The following RTN1 variants were observed in gnomAD, a reference collection of about 807,000 sequenced individuals.
RTN1 encodes reticulon-1.
In RTN1, 25 loss-of-function variants were observed where a neutral mutation model predicts 65.5. That is an observed-to-expected ratio of 0.38 (90% CI 0.28 to 0.53). The LOEUF (loss-of-function observed/expected upper bound fraction) is 0.53, where lower values mean the gene tolerates loss of function less well. Among genes scored for constraint, RTN1 ranks in the 20% least tolerant of loss-of-function variants. The pLI is 0.79. For missense variants in RTN1, 983 were observed against 1,025.4 expected, an observed-to-expected ratio of 0.96 and a Z score of 0.57; for synonymous variants, 471 against 447.6, an observed-to-expected ratio of 1.05 and a Z score of -0.66.
intron 1 of RTN1, among the ~76,000 whole-genome samples, chr14:59,810,925 G>A (rs1247434159): frequency 6.6e-6 from 1 of 152,150 alleles, no homozygotes; most frequent in Non-Finnish European, 1.5e-5. Flanking sequence ...TTTATTACAG[G>A]ACCCTGGATT....
chr14:59,827,360 G>A (rs1294759510), intron 1 of RTN1, among the ~76,000 whole-genome samples: 1 of 152,160 alleles, frequency 6.6e-6, no homozygotes, highest in Non-Finnish European at 1.5e-5. Flanking sequence ...TTACAGGAGT[G>A]AGCCACCGCG....
intron 3 of RTN1, among the ~76,000 whole-genome samples, chr14:59,689,032 A>G (rs1382759735): frequency 6.6e-6 from 1 of 152,176 alleles, no homozygotes; most frequent in African/African-American, 2.4e-5. Flanking sequence ...GAAGCTCAAC[A>G]AGATCCACGA....
intron 1 of RTN1, among the ~76,000 whole-genome samples, chr14:59,827,901 C>A (rs1437669474): frequency 6.6e-6 from 1 of 152,196 alleles, no homozygotes; most frequent in Non-Finnish European, 1.5e-5. Flanking sequence ...GAAGCTGCAG[C>A]CTATGTACAG....
chr14:59,733,915 C>T (rs1356850224), intron 2 of RTN1, among the ~76,000 whole-genome samples: 1 of 152,236 alleles, frequency 6.6e-6, no homozygotes, highest in African/African-American at 2.4e-5. Flanking sequence ...TGTCCTTGAT[C>T]CCCTTCCTCC....
chr14:59,717,679 C>T (rs903265293), intron 3 of RTN1, among the ~76,000 whole-genome samples: 2 of 152,188 alleles, frequency 1.3e-5, no homozygotes, highest in Admixed American at 6.5e-5. Flanking sequence ...TACATGATCT[C>T]CCCTTCACTC....
At chr14:59,834,003 GT>G (rs972633618) in intron 1 of RTN1, among the ~76,000 whole-genome samples, 2 of 152,144 alleles carry the variant, frequency 1.3e-5, no homozygotes, top group Admixed American at 6.5e-5. Flanking sequence ...AGCATATGGT[GT>G]TTGCCTAAAG....
intron 1 of RTN1, among the ~76,000 whole-genome samples, chr14:59,851,726 A>C (rs908246266): frequency 6.6e-6 from 1 of 152,080 alleles, no homozygotes; most frequent in Non-Finnish European, 1.5e-5. Context: ...GTGTGGTGGC[A>C]AGCGCCTGTA....
chr14:59,623,143 A>C (rs1882300714), intron 3 of RTN1, among the ~76,000 whole-genome samples: 1 of 152,228 alleles, frequency 6.6e-6, no homozygotes, highest in South Asian at 2.1e-4. Context: ...CTTCCACGAG[A>C]GACAAAAGGA....
rs1442397634 is a variant in RTN1, at chr14:59,727,320, C to T, written c.1364G>A (p.Arg455Lys). 4 of 1,498,392 alleles carry T rather than the reference C, an allele frequency of 2.7e-6. No homozygotes were observed. Among genetic ancestry groups the T allele is most frequent in the Non-Finnish European group, 2.7e-6 (3 of 1,123,134 alleles). 92.8% of individuals were successfully genotyped at this position (1,498,392 alleles called of 1,614,324 possible). ...GTCCAGCTCGGCCTCGCGCTCCTCCCTCAGGATGCTGTACTGGATGGATGG... is the reference window on the plus strand; with the variant it reads ...GTCCAGCTCGGCCTCGCGCTCCTCCTTCAGGATGCTGTACTGGATGGATGG... ...ASPSIQYSIL[R>K]EEREAELDSE... The change falls in exon 3 of 9, where the codon AGG (arginine) becomes AAG (lysine). Residue 455 changes from arginine (R) to lysine (K), a missense_variant. Physicochemically the swap from Arg to Lys is conservative, Grantham distance 26 (BLOSUM62 2). Coordinates refer to ENST00000267484, the MANE Select transcript of RTN1 (RefSeq NM_021136.3). This position sits in a 1 kb window ranked among gnomAD's most constrained non-coding sequence, Gnocchi z 4.2.
chr14:59,838,720 G>A (rs984547108), intron 1 of RTN1, among the ~76,000 whole-genome samples: 3 of 152,050 alleles, frequency 2.0e-5, no homozygotes, highest in African/African-American at 7.2e-5. Context: ...TTCATCTACT[G>A]AAGTTCTCCA....
intron 3 of RTN1, among the ~76,000 whole-genome samples, chr14:59,617,691 T>C (rs1385267695): frequency 1.3e-5 from 2 of 152,250 alleles, no homozygotes; most frequent in Non-Finnish European, 1.5e-5. Flanking sequence ...CTTTTAAAAC[T>C]GGTAATTGTA....
At chr14:59,754,956 A>T (rs1885606162) in intron 1 of RTN1, among the ~76,000 whole-genome samples, 2 of 152,190 alleles carry the variant, frequency 1.3e-5, no homozygotes. Context: ...CATGAACGTG[A>T]TGATGCCTGA....
chr14:59,685,378 GTC>G (rs751197303), intron 3 of RTN1, among the ~76,000 whole-genome samples: 1 of 152,096 alleles, frequency 6.6e-6, no homozygotes, highest in African/African-American at 2.4e-5. Flanking sequence ...AAGCTAAATT[GTC>G]TCTCTTTGAA....
intron 3 of RTN1, among the ~76,000 whole-genome samples, chr14:59,725,203 G>A (rs972984925): frequency 1.3e-5 from 2 of 152,214 alleles, no homozygotes; most frequent in Non-Finnish European, 2.9e-5. Context: ...GTCAGTCCCA[G>A]CTGTTGTCCT....
At chr14:59,843,788 T>C (rs1234466058) in intron 1 of RTN1, among the ~76,000 whole-genome samples, 1 of 152,226 alleles carries the variant, frequency 6.6e-6, no homozygotes, top group East Asian at 1.9e-4. Flanking sequence ...AAAATGTTCA[T>C]AAATTATACA....
In RTN1 at chr14:59,788,086, T is replaced by C. The variant is rs142608959; in HGVS notation, c.242-41605A>G. Among the ~76,000 whole-genome samples the C allele has an allele frequency of 6.1e-3, 926 of 152,348 alleles. 11 individuals are homozygous for C. Among genetic ancestry groups the C allele is most frequent in the African/African-American group, 0.021 (874 of 41,582 alleles). On this transcript the variant is annotated intron_variant, in intron 1 of 8. Coordinates refer to ENST00000267484, the MANE Select transcript of RTN1 (RefSeq NM_021136.3). ...TCTGTAATGATTCGCAGGTATTTCATTGTATGAATGTACTTTGATTTTTTA... is the reference window on the plus strand; with the variant it reads ...TCTGTAATGATTCGCAGGTATTTCACTGTATGAATGTACTTTGATTTTTTA...
intron 3 of RTN1, among the ~76,000 whole-genome samples, chr14:59,652,904 C>T (rs561338374): frequency 2.7e-4 from 41 of 150,806 alleles, no homozygotes; most frequent in African/African-American, 4.6e-4. Flanking sequence ...TAAAGAAAAA[C>T]GAAAAAAGTA....
chr14:59,724,353 T>G (rs1884711744), intron 3 of RTN1, among the ~76,000 whole-genome samples: 1 of 152,218 alleles, frequency 6.6e-6, no homozygotes, highest in Non-Finnish European at 1.5e-5. Context: ...TTATCCTAAA[T>G]ATTATTCTAA....
At chr14:59,773,188 T>C (rs1023044372) in intron 1 of RTN1, among the ~76,000 whole-genome samples, 4 of 152,150 alleles carry the variant, frequency 2.6e-5, no homozygotes, top group East Asian at 1.9e-4. Context: ...ACCCCAAAGA[T>C]AGTAAAATCT....
Sources: gnomAD v4.1 joint callset for allele counts (sites outside exome capture counted in the v4.1 genomes callset) on GRCh38, gnomAD v4.1.1 for gene constraint, Gnocchi (gnomAD v3.1) non-coding constraint, MANE v1.5 for transcripts, NCBI Gene and HGNC (gene_info 2026-07-23, HGNC 2026-07-21) for gene names.